The following KCNIP4 variants were observed in gnomAD, a reference collection of about 807,000 sequenced individuals.
KCNIP4 encodes potassium voltage-gated channel interacting protein 4, also known as Kv channel-interacting protein 4.
Under a neutral mutation model 34.0 loss-of-function variants are expected in KCNIP4, and 12 were observed. The ratio of observed to expected loss-of-function variants is 0.35; its 90% CI spans 0.23 to 0.57. The LOEUF (loss-of-function observed/expected upper bound fraction) is 0.57. Among genes scored for constraint, KCNIP4 ranks in the 20% least tolerant of loss-of-function variants. KCNIP4 has a pLI of 0.83. For synonymous variants in KCNIP4, 124 were observed against 102.2 expected, an observed-to-expected ratio of 1.21 and a Z score of -1.29; for missense variants, 238 against 311.7, an observed-to-expected ratio of 0.76 and a Z score of 1.78.
chr4:21,606,912 T>C (rs538155339), intron 1 of KCNIP4, among the ~76,000 whole-genome samples: 1 of 152,134 alleles, frequency 6.6e-6, no homozygotes, highest in African/African-American at 2.4e-5. Context: ...TCAAATCGTA[T>C]TACTCCAATC....
rs140182227 is a variant in KCNIP4, at chr4:21,019,300, C to G, written c.62-136591G>C. Among the ~76,000 whole-genome samples the G allele has an allele frequency of 7.6e-3, 1,162 of 151,998 alleles. 10 individuals are homozygous for G. Among genetic ancestry groups the G allele is most frequent in the African/African-American group, 0.027 (1,103 of 41,524 alleles). On this transcript the variant is annotated intron_variant, in intron 1 of 8. Coordinates refer to ENST00000382152, the MANE Select transcript of KCNIP4 (RefSeq NM_025221.6). Reference sequence around the variant, plus strand: ...CTTCCTGAGTAGCTGGGATTACAGGCGCATGCCACCACGTCCGGCTAATTT... The same window carrying G: ...CTTCCTGAGTAGCTGGGATTACAGGGGCATGCCACCACGTCCGGCTAATTT...
At chr4:21,929,743 T>C (rs530135591) in intron 1 of KCNIP4, among the ~76,000 whole-genome samples, 2 of 152,276 alleles carry the variant, frequency 1.3e-5, no homozygotes, top group East Asian at 3.9e-4. Flanking sequence ...CCAAGCCCAC[T>C]GCAATCTGGC....
At chr4:21,801,966 TA>T (rs1215431393) in intron 1 of KCNIP4, among the ~76,000 whole-genome samples, 9 of 151,410 alleles carry the variant, frequency 5.9e-5, no homozygotes, top group Non-Finnish European at 8.8e-5. Context: ...ATTTTTTTTT[TA>T]AAAAAGAATA....
At chr4:20,824,665 C>A (rs148298106) in intron 3 of KCNIP4, among the ~76,000 whole-genome samples, 2 of 151,958 alleles carry the variant, frequency 1.3e-5, no homozygotes, top group African/African-American at 4.8e-5. Context: ...AGCAACAGAG[C>A]GAGACTCCAT....
At chr4:21,054,784 C>T (rs1481202841) in intron 1 of KCNIP4, among the ~76,000 whole-genome samples, 1 of 148,200 alleles carries the variant, frequency 6.7e-6, no homozygotes, top group Non-Finnish European at 1.5e-5. Context: ...GATCATATAT[C>T]TAAATATAAA....
At chr4:21,037,360 C>T (rs777387880) in intron 1 of KCNIP4, among the ~76,000 whole-genome samples, 4 of 152,164 alleles carry the variant, frequency 2.6e-5, no homozygotes, top group Admixed American at 2.6e-4. Flanking sequence ...ATAGTAAGTG[C>T]CCTGCATAGG....
rs528132962 is a variant in KCNIP4 at position 21,195,426 on chromosome 4, T to C, written c.62-312717A>G. On this transcript the variant is annotated intron_variant, in intron 1 of 8. Coordinates refer to ENST00000382152, the MANE Select transcript of KCNIP4 (RefSeq NM_025221.6). ...CCGAATAAAAGACTTAGCAACAATATAGTCATCTATTAAGGAGCTAGGAAA... is the reference window on the plus strand; with the variant it reads ...CCGAATAAAAGACTTAGCAACAATACAGTCATCTATTAAGGAGCTAGGAAA... Among the ~76,000 whole-genome samples, 12 of 152,342 alleles carry C rather than the reference T, an allele frequency of 7.9e-5. No homozygotes were observed. In the South Asian group the frequency reaches 1.0e-3, roughly 13 times the overall value.
At chr4:21,610,740 G>T (rs1744089691) in intron 1 of KCNIP4, among the ~76,000 whole-genome samples, 2 of 152,006 alleles carry the variant, frequency 1.3e-5, no homozygotes, top group South Asian at 4.2e-4. Context: ...AAAGAAAGAG[G>T]TTTAATTGAC....
At chr4:20,980,142 C>T (rs1426904864) in intron 1 of KCNIP4, among the ~76,000 whole-genome samples, 3 of 152,240 alleles carry the variant, frequency 2.0e-5, no homozygotes, top group African/African-American at 4.8e-5. Context: ...ATGGCCTGGG[C>T]CTATGCCCAG....
chr4:21,227,662 C>T (rs986700151), intron 1 of KCNIP4, among the ~76,000 whole-genome samples: 9 of 145,968 alleles, frequency 6.2e-5, no homozygotes, highest in African/African-American at 1.9e-4. Context: ...CTGCTCTCTC[C>T]GCAGTTAAAA....
chr4:21,486,441 G>T (rs1431264689), intron 1 of KCNIP4, among the ~76,000 whole-genome samples: 1 of 152,118 alleles, frequency 6.6e-6, no homozygotes, highest in Non-Finnish European at 1.5e-5. Flanking sequence ...ATGTAGTTTA[G>T]GTGGTTTTGG....
chr4:21,112,140 A>T (rs998759748), intron 1 of KCNIP4, among the ~76,000 whole-genome samples: 3 of 151,924 alleles, frequency 2.0e-5, no homozygotes, highest in African/African-American at 7.3e-5. Flanking sequence ...CTAAGATCAT[A>T]GTCAAGTTTA....
chr4:20,801,938 A>G (rs538258856), intron 3 of KCNIP4, among the ~76,000 whole-genome samples: 3 of 152,028 alleles, frequency 2.0e-5, no homozygotes, highest in African/African-American at 7.2e-5. Flanking sequence ...TAAGAGACCC[A>G]TAAAAGACAC....
At chr4:21,309,260 C>T (rs1034955163) in intron 1 of KCNIP4, among the ~76,000 whole-genome samples, 4 of 152,138 alleles carry the variant, frequency 2.6e-5, no homozygotes, top group African/African-American at 9.7e-5. Flanking sequence ...ACCACAGAGT[C>T]CCAGTGAGTT....
intron 1 of KCNIP4, among the ~76,000 whole-genome samples, chr4:21,810,144 T>C (rs1434285250): frequency 1.3e-5 from 2 of 152,176 alleles, no homozygotes; most frequent in African/African-American, 2.4e-5. Context: ...CAATGGAGAC[T>C]GCTGAGCCTG....
intron 1 of KCNIP4, among the ~76,000 whole-genome samples, chr4:21,744,976 C>T (rs1716673349): frequency 6.6e-6 from 1 of 152,046 alleles, no homozygotes; most frequent in Admixed American, 6.6e-5. Context: ...TTTTATCTCA[C>T]AAGTGAAAAC....
chr4:20,801,321 T>A (rs1359894843), intron 3 of KCNIP4, among the ~76,000 whole-genome samples: 3 of 151,684 alleles, frequency 2.0e-5, no homozygotes, highest in Admixed American at 6.6e-5. Flanking sequence ...AAAGGCATTA[T>A]AATTACTGTC....
chr4:21,273,884 G>C (rs1762295960), intron 1 of KCNIP4, among the ~76,000 whole-genome samples: 1 of 152,130 alleles, frequency 6.6e-6, no homozygotes, highest in Non-Finnish European at 1.5e-5. Context: ...TGGAAGGTGT[G>C]TGTCTCCATT....
chr4:21,370,884 T>TACACACACACACACAC (rs1360484906), intron 1 of KCNIP4, among the ~76,000 whole-genome samples: 1 of 83,114 alleles, frequency 1.2e-5, no homozygotes, highest in African/African-American at 6.5e-5. Context: ...CACACACACG[T>TACACACACACACACAC]GTGTGTGTGT....
Sources: gnomAD v4.1 joint callset for allele counts (sites outside exome capture counted in the v4.1 genomes callset) on GRCh38, gnomAD v4.1.1 for gene constraint, MANE v1.5 for transcripts, NCBI Gene and HGNC (gene_info 2026-07-23, HGNC 2026-07-21) for gene names.